TMEM178B: variants seen among roughly 807,000 people sequenced by gnomAD.
TMEM178B encodes transmembrane protein 178B.
Under a neutral mutation model 31.0 loss-of-function variants are expected in TMEM178B, and 5 were observed. That is an observed-to-expected ratio of 0.16 (90% CI 0.08 to 0.34). The LOEUF (loss-of-function observed/expected upper bound fraction) is 0.34, where lower values mean the gene tolerates loss of function less well. TMEM178B is among the 10% of genes least tolerant of loss of function. The pLI is 1.00. For missense variants in TMEM178B, 275 were observed against 400.3 expected, an observed-to-expected ratio of 0.69 and a Z score of 2.67; for synonymous variants, 164 against 164.0, an observed-to-expected ratio of 1.00 and a Z score of 0.00.
intron 3 of TMEM178B, among the ~76,000 whole-genome samples, chr7:141,469,106 C>A (rs1452453304): frequency 1.3e-5 from 2 of 152,244 alleles, no homozygotes; most frequent in Non-Finnish European, 2.9e-5. Flanking sequence ...GGCACAGCTG[C>A]CAGTATGCAC....
intron 1 of TMEM178B, among the ~76,000 whole-genome samples, chr7:141,125,066 AT>A (rs758680975): frequency 5.9e-5 from 9 of 152,100 alleles, no homozygotes; most frequent in Non-Finnish European, 1.3e-4. Flanking sequence ...GTGTTAATTA[AT>A]TGTTTCTTGT....
intron 2 of TMEM178B, among the ~76,000 whole-genome samples, chr7:141,409,107 G>C (rs1800936062): frequency 1.3e-5 from 2 of 152,180 alleles, no homozygotes; most frequent in African/African-American, 4.8e-5. Context: ...AGGAGTTCAA[G>C]GTGTGGAATA....
chr7:141,500,217 G>T, the TMEM178B span, among the ~76,000 whole-genome samples: 1 of 152,088 alleles, frequency 6.6e-6, no homozygotes, highest in Non-Finnish European at 1.5e-5. Flanking sequence ...GGAAATTCAG[G>T]GATACACAAG....
the TMEM178B span, among the ~76,000 whole-genome samples, chr7:141,509,148 G>A: frequency 1.3e-5 from 2 of 152,296 alleles, no homozygotes; most frequent in Non-Finnish European, 2.9e-5. Flanking sequence ...TGCCAATTGA[G>A]CATGGGAGAG....
intron 1 of TMEM178B, among the ~76,000 whole-genome samples, chr7:141,181,218 A>C (rs778248627): frequency 3.8e-4 from 58 of 152,266 alleles, no homozygotes; most frequent in Admixed American, 9.2e-4. Context: ...TGATGTGTTC[A>C]TAAATACATC....
chr7:141,360,165 G>T (rs1003391507), intron 2 of TMEM178B, among the ~76,000 whole-genome samples: 2 of 152,126 alleles, frequency 1.3e-5, no homozygotes, highest in African/African-American at 2.4e-5. Context: ...TTTGTGCCAT[G>T]CTTTACCTGC....
intron 1 of TMEM178B, among the ~76,000 whole-genome samples, chr7:141,100,244 G>A (rs1795032514): frequency 1.3e-5 from 2 of 150,834 alleles, no homozygotes; most frequent in South Asian, 4.2e-4. Flanking sequence ...TTGTAATTCA[G>A]CATGTTTGGT....
intron 2 of TMEM178B, among the ~76,000 whole-genome samples, chr7:141,381,002 C>T (rs1800305515): frequency 6.6e-6 from 1 of 152,122 alleles, no homozygotes; most frequent in Non-Finnish European, 1.5e-5. Context: ...CTCCCCGTAC[C>T]CACCCCATAA....
At chr7:141,289,039 AG>A (rs1453631358) in intron 2 of TMEM178B, among the ~76,000 whole-genome samples, 1 of 152,174 alleles carries the variant, frequency 6.6e-6, no homozygotes, top group East Asian at 1.9e-4. Flanking sequence ...TCTGACCCCC[AG>A]GATCTTCCTG....
intron 2 of TMEM178B, among the ~76,000 whole-genome samples, chr7:141,322,739 C>T (rs1370679073): frequency 1.3e-5 from 2 of 152,068 alleles, no homozygotes; most frequent in African/African-American, 4.8e-5. Flanking sequence ...GGAACATGGC[C>T]TTCGACTGAG....
At chr7:141,296,143 C>CT (rs1798629026) in intron 2 of TMEM178B, among the ~76,000 whole-genome samples, 1 of 152,004 alleles carries the variant, frequency 6.6e-6, no homozygotes, top group Admixed American at 6.6e-5. Context: ...TCTCAGCTCA[C>CT]TGCAGCCTCC....
chr7:141,496,972 C>T, the TMEM178B span, among the ~76,000 whole-genome samples: 1 of 152,184 alleles, frequency 6.6e-6, no homozygotes, highest in African/African-American at 2.4e-5. Context: ...AGATCTTTCA[C>T]ATACAGGCTG....
chr7:141,313,640 C>G (rs1798950750), intron 2 of TMEM178B, among the ~76,000 whole-genome samples: 1 of 152,146 alleles, frequency 6.6e-6, no homozygotes, highest in African/African-American at 2.4e-5. Context: ...ATGCCCTTGG[C>G]TAAACGCTTT....
intron 3 of TMEM178B, among the ~76,000 whole-genome samples, chr7:141,457,399 T>C (rs1369673286): frequency 1.3e-5 from 2 of 152,232 alleles, no homozygotes; most frequent in African/African-American, 4.8e-5. Context: ...TATATATGTA[T>C]GTATGTGTGT....
intron 2 of TMEM178B, among the ~76,000 whole-genome samples, chr7:141,266,040 A>G (rs184144896): frequency 1.0e-3 from 155 of 152,328 alleles, no homozygotes; most frequent in African/African-American, 3.7e-3. Flanking sequence ...CTGCTTCATC[A>G]TCTAGCCCAT....
intron 2 of TMEM178B, among the ~76,000 whole-genome samples, chr7:141,217,722 A>C (rs966595240): frequency 6.6e-6 from 1 of 152,122 alleles, no homozygotes; most frequent in Non-Finnish European, 1.5e-5. Flanking sequence ...CTCTGTGGGC[A>C]GCTGTTACTA....
intron 2 of TMEM178B, among the ~76,000 whole-genome samples, chr7:141,257,362 C>T (rs577332235): frequency 3.9e-5 from 6 of 152,318 alleles, no homozygotes; most frequent in Non-Finnish European, 7.3e-5. Flanking sequence ...CTCCTAATAG[C>T]TCTTGCTGTT....
chr7:141,258,858 G>A (rs563183503), intron 2 of TMEM178B, among the ~76,000 whole-genome samples: 4 of 152,270 alleles, frequency 2.6e-5, no homozygotes, highest in African/African-American at 9.6e-5. Context: ...CTATATATAT[G>A]AGTCAGTTTT....
intron 1 of TMEM178B, among the ~76,000 whole-genome samples, chr7:141,168,091 C>T (rs1008048705): frequency 3.9e-5 from 6 of 152,126 alleles, no homozygotes; most frequent in African/African-American, 7.2e-5. Context: ...GACATCCCTG[C>T]GAGATGGCCA....
Sources: gnomAD v4.1 joint callset for allele counts (sites outside exome capture counted in the v4.1 genomes callset) on GRCh38, gnomAD v4.1.1 for gene constraint, MANE v1.5 for transcripts, NCBI Gene and HGNC (gene_info 2026-07-23, HGNC 2026-07-21) for gene names.